TJP3: variants seen among roughly 807,000 people sequenced by gnomAD.
TJP3 encodes the protein tight junction protein 3, also known as tight junction protein ZO-3.
In TJP3, 85 loss-of-function variants were observed where a neutral mutation model predicts 104.2. The observed-to-expected ratio is 0.82, with a 90% CI of 0.68 to 0.98. TJP3 has a LOEUF of 0.98. TJP3 is among the 50% of genes least tolerant of loss of function. TJP3 has a pLI of 0.00. For missense variants in TJP3, 1,367 were observed against 1,322.8 expected (o/e 1.03, Z -0.52); for synonymous variants, 550 against 550.6 (o/e 1.00, Z 0.02).
At chr19:3,716,141 C>G (rs1175369404) in intron 1 of TJP3, among the ~76,000 whole-genome samples, 2 of 146,724 alleles carry the variant, frequency 1.4e-5, no homozygotes, top group East Asian at 4.0e-4. Context: ...GGCGCCATCT[C>G]AGATCACTGC....
At chr19:3,710,368 C>T (rs1367730170) in intron 1 of TJP3, among the ~76,000 whole-genome samples, 1 of 152,084 alleles carries the variant, frequency 6.6e-6, no homozygotes, top group Middle Eastern at 3.2e-3. Flanking sequence ...GGCCGCACAG[C>T]CAAGTAGAAA....
At chr19:3,720,901 C>CTTTTTTTTTTTTTT (rs370206267) in intron 1 of TJP3, among the ~76,000 whole-genome samples, 1 of 114,324 alleles carries the variant, frequency 8.7e-6, no homozygotes, top group African/African-American at 3.3e-5. Context: ...CCTTCCTTTT[C>CTTTTTTTTTTTTTT]TTTTTTTTTT....
At chr19:3,724,178 G>T (rs901078455) in intron 1 of TJP3, among the ~76,000 whole-genome samples, 24 of 151,598 alleles carry the variant, frequency 1.6e-4, no homozygotes, top group Admixed American at 1.5e-3. Context: ...GGGTTCGGGG[G>T]CCCTGGTTCC....
intron 1 of TJP3, among the ~76,000 whole-genome samples, chr19:3,708,976 C>A (rs1021616012): frequency 1.3e-5 from 2 of 152,074 alleles, no homozygotes; most frequent in African/African-American, 4.8e-5. Flanking sequence ...CGACCTCACT[C>A]ATCTCTGAGC....
At chr19:3,717,379 C>T (rs1009994516) in intron 1 of TJP3, among the ~76,000 whole-genome samples, 4 of 146,816 alleles carry the variant, frequency 2.7e-5, no homozygotes, top group Non-Finnish European at 4.5e-5. Flanking sequence ...GGATTACAGG[C>T]GTGAGCCACT....
At chr19:3,731,108 C>T (rs2036665754) in intron 5 of TJP3, among the ~76,000 whole-genome samples, 1 of 152,216 alleles carries the variant, frequency 6.6e-6, no homozygotes, top group Non-Finnish European at 1.5e-5. Context: ...AGCTCTTTCT[C>T]TCTGAACCTG....
chr19:3,737,876 G>A (rs1387566420), intron 11 of TJP3, among the ~76,000 whole-genome samples: 2 of 152,122 alleles, frequency 1.3e-5, no homozygotes, highest in Admixed American at 6.5e-5. Context: ...CAAGTATATT[G>A]CTGTCCCTGT....
In TJP3 at chr19:3,715,143, G is replaced by A. The variant is rs1003798164; in HGVS notation, c.-10+6582G>A. ...CTCGCTCTGTCGCCCAGGCTGGAGC[G>A]CAGTGGCGCAATCTCGGCTCACTGC... On this transcript the variant is annotated intron_variant, in intron 1 of 20. Transcript: ENST00000541714. 1.1e-3 allele frequency among the ~76,000 whole-genome samples: 172 copies of A among 150,446 alleles called. 4 individuals are homozygous for A. Among genetic ancestry groups the A allele is most frequent in the Non-Finnish European group, 3.7e-4 (25 of 67,730 alleles).
intron 1 of TJP3, among the ~76,000 whole-genome samples, chr19:3,710,508 G>C (rs2036424148): frequency 6.6e-6 from 1 of 152,220 alleles, no homozygotes; most frequent in Admixed American, 6.5e-5. Flanking sequence ...CCCCTGGCTT[G>C]GTGCTTCCTC....
At chr19:3,749,139 A>G (rs1307778429) in intron 19 of TJP3, among the ~76,000 whole-genome samples, 1 of 150,614 alleles carries the variant, frequency 6.6e-6, no homozygotes, top group Non-Finnish European at 1.5e-5. Flanking sequence ...GAGTGTTGGG[A>G]TTAGAGGCGT....
intron 1 of TJP3, among the ~76,000 whole-genome samples, chr19:3,713,553 T>G (rs374733307): frequency 7.2e-5 from 11 of 152,168 alleles, no homozygotes; most frequent in Non-Finnish European, 1.6e-4. Flanking sequence ...GAGACGTGAA[T>G]AAAGTGTGGA....
rs2036731618 is a variant in TJP3, at chr19:3,735,862, C to CT, written c.1061-4dup. 2 of 1,614,022 alleles carry CT rather than the reference C, an allele frequency of 1.2e-6. No individual in the cohort carries two copies. Among genetic ancestry groups the CT allele is most frequent in the African/African-American group, 2.7e-5 (2 of 74,926 alleles). Reference sequence around the variant, plus strand: ...GCTTGGGAAAGAGACTGGCTTTTCCCTTTCAGAGTTGCCCAGGGAAAGCAG... The same window carrying CT: ...GCTTGGGAAAGAGACTGGCTTTTCCCTTTTCAGAGTTGCCCAGGGAAAGCAG... On this transcript the variant is annotated splice_region_variant and splice_polypyrimidine_tract_variant and intron_variant, in intron 9 of 20. Transcript: ENST00000541714.
At chr19:3,718,014 G>T (rs1191537934) in intron 1 of TJP3, among the ~76,000 whole-genome samples, 1 of 151,494 alleles carries the variant, frequency 6.6e-6, no homozygotes, top group Non-Finnish European at 1.5e-5. Flanking sequence ...AGGAGTTTGA[G>T]ACCATCCTGG....
At chr19:3,744,058 A>G (rs1366358242) in intron 15 of TJP3, 24 bp downstream of exon 15, 2 of 1,606,026 alleles carry the variant, frequency 1.2e-6, no homozygotes, top group South Asian at 1.1e-5. Context: ...TCCTCTGGAA[A>G]CCTCGTTGGT....
chr19:3,733,564 C>T (rs752724085), intron 6 of TJP3, among the ~76,000 whole-genome samples, 189 bp from the exon 7 acceptor site: 11 of 152,096 alleles, frequency 7.2e-5, no homozygotes, highest in Non-Finnish European at 1.3e-4. Flanking sequence ...TTCTAGAATT[C>T]GGTGCTCAGT....
intron 19 of TJP3, 53 bp downstream of exon 19, chr19:3,748,134 G>A (rs1599166159): frequency 1.3e-6 from 2 of 1,487,686 alleles, no homozygotes; most frequent in East Asian, 2.5e-5. Context: ...GGGGATGCCA[G>A]CACAGAGCAG....
chr19:3,715,068 T>TTTTG (rs1008143537), intron 1 of TJP3, among the ~76,000 whole-genome samples: 2 of 151,700 alleles, frequency 1.3e-5, no homozygotes, highest in Non-Finnish European at 2.9e-5. Context: ...AAACCAGGTT[T>TTTTG]TTTGTTTGTT....
intron 8 of TJP3, among the ~76,000 whole-genome samples, 155 bp downstream of exon 8, chr19:3,734,590 A>T (rs1025869762): frequency 2.0e-5 from 3 of 152,102 alleles, no homozygotes; most frequent in Admixed American, 2.0e-4. Context: ...GCCTCTACCC[A>T]TTACCCAGTT....
chr19:3,722,979 G>A (rs930621294), intron 1 of TJP3, among the ~76,000 whole-genome samples: 1 of 150,936 alleles, frequency 6.6e-6, no homozygotes, highest in African/African-American at 2.4e-5. Context: ...AGCCCTGGGC[G>A]GGGGGCGGGG....
Sources: allele counts gnomAD v4.1 joint callset (sites outside exome capture counted in the v4.1 genomes callset), GRCh38; gene constraint gnomAD v4.1.1; transcripts MANE v1.5; gene names NCBI Gene and HGNC (gene_info 2026-07-23, HGNC 2026-07-21).